The following ANGPT1 variants were observed in gnomAD, a reference collection of about 807,000 sequenced individuals.
ANGPT1 encodes angiopoietin 1, also known as angiopoietin-1.
Under a neutral mutation model 62.2 loss-of-function variants are expected in ANGPT1, and 17 were observed. The observed-to-expected ratio is 0.27, with a 90% CI of 0.19 to 0.41. The LOEUF is 0.41. Ranked by LOEUF, ANGPT1 falls within the 10% of genes least tolerant of loss-of-function variation. ANGPT1 has a pLI of 1.00. For missense variants in ANGPT1, 478 were observed against 594.9 expected (o/e 0.80, Z 2.04); for synonymous variants, 199 against 198.9 (o/e 1.00, Z 0.00).
Position 107,402,788 on chromosome 8 carries a change from T to C in ANGPT1, c.298-55691A>G, listed in dbSNP as rs1030794136. ...AATATAAGAATAAAAAATAAAATCATAAATTCTGGTTATGATGTTCTTAAA... is the reference window on the plus strand; with the variant it reads ...AATATAAGAATAAAAAATAAAATCACAAATTCTGGTTATGATGTTCTTAAA... On this transcript the variant is annotated intron_variant, in intron 1 of 8. Coordinates refer to ENST00000517746, the MANE Select transcript of ANGPT1 (RefSeq NM_001146.5). 2.8e-4 allele frequency among the ~76,000 whole-genome samples: 43 copies of C among 152,306 alleles called. 2 individuals carry two copies. Among genetic ancestry groups the C allele is most frequent in the Admixed American group, 2.2e-3 (33 of 15,286 alleles).
At chr8:107,336,341 G>C in intron 2 of ANGPT1, 70 bp from the exon 3 acceptor site, 3 of 1,515,010 alleles carry the variant, frequency 2.0e-6, no homozygotes, top group Non-Finnish European at 2.6e-6. Flanking sequence ...GTTTTATTTT[G>C]TCGTTAAATA....
In ANGPT1 at chr8:107,492,393, T is replaced by C. The variant is rs1812982858; in HGVS notation, c.297+4869A>G. ...CTCTGTCATTCAGGCTGGAGTGCAG[T>C]GGTGCGATATCAGCTCACTGCAACC... is the stretch of plus-strand genomic sequence containing the variant. On this transcript the variant is annotated intron_variant, in intron 1 of 8. Coordinates refer to ENST00000517746, the MANE Select transcript of ANGPT1 (RefSeq NM_001146.5). Among the ~76,000 whole-genome samples the C allele has an allele frequency of 1.3e-5, 2 of 152,178 alleles. 1 individual carries two copies. The highest frequency in any genetic ancestry group is 4.1e-4 in the South Asian group (2 of 4,828).
chr8:107,442,506 A>T (rs1811508200), intron 1 of ANGPT1, among the ~76,000 whole-genome samples: 1 of 152,200 alleles, frequency 6.6e-6, no homozygotes. Flanking sequence ...TCAAGAAAGA[A>T]GTGTAAGAGT....
intron 1 of ANGPT1, among the ~76,000 whole-genome samples, chr8:107,351,220 C>A (rs1815924981): frequency 6.6e-6 from 1 of 151,946 alleles, no homozygotes; most frequent in African/African-American, 2.4e-5. Flanking sequence ...AATGAAATGA[C>A]AAACAATAAA....
chr8:107,370,664 C>A (rs1816386770), intron 1 of ANGPT1, among the ~76,000 whole-genome samples: 1 of 127,670 alleles, frequency 7.8e-6, no homozygotes, highest in African/African-American at 2.9e-5. Context: ...GATCACGCCA[C>A]TGCACTCCAG....
At chr8:107,474,250 C>A (rs1812447934) in intron 1 of ANGPT1, among the ~76,000 whole-genome samples, 1 of 152,116 alleles carries the variant, frequency 6.6e-6, no homozygotes, top group South Asian at 2.1e-4. Flanking sequence ...ATCAAGTGGG[C>A]TTCATCCTGG....
intron 3 of ANGPT1, 42 bp from the exon 4 acceptor site, chr8:107,322,170 T>C (rs1490320025): frequency 6.2e-6 from 9 of 1,440,612 alleles, no homozygotes; most frequent in Non-Finnish European, 8.5e-6. Flanking sequence ...GAAAAAATGT[T>C]ATACAAAAAA....
At chr8:107,377,382 A>G (rs1473150084) in intron 1 of ANGPT1, among the ~76,000 whole-genome samples, 1 of 152,046 alleles carries the variant, frequency 6.6e-6, no homozygotes, top group Non-Finnish European at 1.5e-5. Flanking sequence ...AAACGTACAC[A>G]CTCCAAGTCA....
intron 1 of ANGPT1, among the ~76,000 whole-genome samples, chr8:107,418,513 T>C (rs914376931): frequency 1.3e-5 from 2 of 152,172 alleles, no homozygotes; most frequent in East Asian, 3.9e-4. Context: ...ATGCAGCTAA[T>C]TGGGATTGGC....
chr8:107,409,591 T>A (rs1817218309), intron 1 of ANGPT1, among the ~76,000 whole-genome samples: 1 of 152,174 alleles, frequency 6.6e-6, no homozygotes, highest in Non-Finnish European at 1.5e-5. Context: ...CTAATTTTCT[T>A]ACTGCTCTAC....
At chr8:107,260,196 A>G (rs1229088798) in intron 8 of ANGPT1, among the ~76,000 whole-genome samples, 1 of 152,120 alleles carries the variant, frequency 6.6e-6, no homozygotes, top group Admixed American at 6.5e-5. Flanking sequence ...ATTTCCTGCC[A>G]TTCAGTCTTT....
intron 4 of ANGPT1, among the ~76,000 whole-genome samples, chr8:107,306,642 G>T (rs1814724817): frequency 6.6e-6 from 1 of 152,164 alleles, no homozygotes; most frequent in Admixed American, 6.5e-5. Context: ...CCTGAACATT[G>T]CAAGTGTCAG....
intron 1 of ANGPT1, among the ~76,000 whole-genome samples, chr8:107,401,116 G>A (rs1817038930): frequency 6.6e-6 from 1 of 152,082 alleles, no homozygotes; most frequent in African/African-American, 2.4e-5. Flanking sequence ...AGCGTTTTGA[G>A]TCCATAGACT....
intron 7 of ANGPT1, among the ~76,000 whole-genome samples, chr8:107,280,085 C>T (rs1255865075): frequency 6.6e-6 from 1 of 152,078 alleles, no homozygotes; most frequent in African/African-American, 2.4e-5. Flanking sequence ...TTCTGAGGGG[C>T]TCTTCAGAAT....
intron 1 of ANGPT1, among the ~76,000 whole-genome samples, chr8:107,431,883 C>G (rs888731453): frequency 6.6e-6 from 1 of 152,098 alleles, no homozygotes; most frequent in Non-Finnish European, 1.5e-5. Flanking sequence ...GAAATACATA[C>G]AAATACCTTA....
At chr8:107,488,147 T>G (rs775365898) in intron 1 of ANGPT1, among the ~76,000 whole-genome samples, 2 of 152,194 alleles carry the variant, frequency 1.3e-5, no homozygotes, top group African/African-American at 2.4e-5. Context: ...TTTAAGAGTC[T>G]AAAACAATCT....
intron 1 of ANGPT1, among the ~76,000 whole-genome samples, chr8:107,372,332 G>A (rs952692066): frequency 2.6e-5 from 4 of 152,102 alleles, no homozygotes; most frequent in African/African-American, 9.7e-5. Context: ...ACCATTTTGA[G>A]CAAGTATGTG....
intron 1 of ANGPT1, among the ~76,000 whole-genome samples, chr8:107,397,010 C>T (rs1211145713): frequency 6.6e-6 from 1 of 152,074 alleles, no homozygotes; most frequent in South Asian, 2.1e-4. Flanking sequence ...GAAAGGGATG[C>T]TGGGCAGGGA....
intron 1 of ANGPT1, among the ~76,000 whole-genome samples, chr8:107,367,220 G>A (rs536828873): frequency 1.3e-5 from 2 of 152,162 alleles, no homozygotes; most frequent in East Asian, 3.9e-4. Flanking sequence ...CAATCTTTTT[G>A]GTTTCTCAGT....
Sources: allele counts gnomAD v4.1 joint callset (sites outside exome capture counted in the v4.1 genomes callset), GRCh38; gene constraint gnomAD v4.1.1; transcripts MANE v1.5; gene names NCBI Gene and HGNC (gene_info 2026-07-23, HGNC 2026-07-21).